Variants in THSD7A observed in about 807,000 individuals in gnomAD.
The protein encoded by THSD7A is thrombospondin type 1 domain containing 7A.
THSD7A carries 96 observed loss-of-function variants against 231.3 expected under a neutral mutation model. That is an observed-to-expected ratio of 0.41 (90% CI 0.35 to 0.49). The LOEUF (loss-of-function observed/expected upper bound fraction) is 0.49, where lower values mean the gene tolerates loss of function less well. Ranked by LOEUF, THSD7A falls within the 20% of genes least tolerant of loss-of-function variation. The pLI, the probability that THSD7A is intolerant of heterozygous loss-of-function variation, is 0.05. For synonymous variants in THSD7A, 940 were observed against 743.3 expected, an observed-to-expected ratio of 1.26 and a Z score of -4.30; for missense variants, 2,290 against 2,070.2, an observed-to-expected ratio of 1.11 and a Z score of -2.06.
At chr7:11,682,501 C>T (rs188755599) in intron 1 of THSD7A, among the ~76,000 whole-genome samples, 1 of 151,986 alleles carries the variant, frequency 6.6e-6, no homozygotes, top group Non-Finnish European at 1.5e-5. Flanking sequence ...AAAAAGCAAA[C>T]AAACAACAAT....
intron 1 of THSD7A, among the ~76,000 whole-genome samples, chr7:11,783,793 A>C (rs900727486): frequency 6.6e-6 from 1 of 152,154 alleles, no homozygotes; most frequent in Non-Finnish European, 1.5e-5. Context: ...TAGTCTAGAA[A>C]TAGGAAGGAA....
chr7:11,735,279 A>ATG (rs1781877899), intron 1 of THSD7A, among the ~76,000 whole-genome samples: 1 of 151,846 alleles, frequency 6.6e-6, no homozygotes, highest in Non-Finnish European at 1.5e-5. Flanking sequence ...TTACCCGTAT[A>ATG]TTAAAGAGAG....
At chr7:11,658,644 T>C (rs1782798382) in intron 1 of THSD7A, among the ~76,000 whole-genome samples, 1 of 151,712 alleles carries the variant, frequency 6.6e-6, no homozygotes, top group Admixed American at 6.6e-5. Flanking sequence ...GGGGACTCTT[T>C]ACTTATATTT....
chr7:11,790,296 AGAGT>A (rs1425592942), intron 1 of THSD7A, among the ~76,000 whole-genome samples: 1 of 151,990 alleles, frequency 6.6e-6, no homozygotes, highest in Non-Finnish European at 1.5e-5. Flanking sequence ...TCTATTTAAA[AGAGT>A]GAGTTGTAAA....
chr7:11,743,134 T>C (rs1782167367), intron 1 of THSD7A, among the ~76,000 whole-genome samples: 1 of 151,936 alleles, frequency 6.6e-6, no homozygotes, highest in African/African-American at 2.4e-5. Flanking sequence ...TGTTTACCTA[T>C]TCTTTCTCAT....
intron 13 of THSD7A, among the ~76,000 whole-genome samples, chr7:11,430,004 CAT>C (rs1470259854): frequency 9.9e-5 from 15 of 152,168 alleles, no homozygotes; most frequent in African/African-American, 1.4e-4. Context: ...TCAAGGCAAA[CAT>C]GTGAAAACAG....
At chr7:11,663,151 A>T (rs1206611258) in intron 1 of THSD7A, among the ~76,000 whole-genome samples, 1 of 151,412 alleles carries the variant, frequency 6.6e-6, no homozygotes, top group African/African-American at 2.4e-5. Flanking sequence ...GATAACTACT[A>T]ATATAAATGA....
At chr7:11,453,763 T>C (rs1267809713) in intron 11 of THSD7A, among the ~76,000 whole-genome samples, 1 of 152,040 alleles carries the variant, frequency 6.6e-6, no homozygotes, top group East Asian at 1.9e-4. Flanking sequence ...CGTAGAAACA[T>C]GTCACAAAGT....
chr7:11,379,144 G>A lies in THSD7A; in HGVS notation c.4727C>T (p.Ala1576Val). 1 of 1,613,636 alleles carries A rather than the reference G, an allele frequency of 6.2e-7. No individual in the cohort carries two copies. Among genetic ancestry groups the A allele is most frequent in the Non-Finnish European group, 8.5e-7 (1 of 1,179,700 alleles). Residue 1576 changes from alanine to valine, a missense_variant, in exon 26 of 28, where the codon GCT becomes GTT. Coordinates refer to ENST00000423059, the MANE Select transcript of THSD7A (RefSeq NM_015204.3). ...DKRGDVKTSR[A>V]VHPTQPSSNP... ...ACTGGAGGGTTGGGTTGGATGTACA[G>A]CCCGACTGGTTTTCACATCTCCTCT...
At chr7:11,463,533 C>T (rs1785581979) in intron 9 of THSD7A, among the ~76,000 whole-genome samples, 2 of 152,038 alleles carry the variant, frequency 1.3e-5, no homozygotes, top group South Asian at 4.1e-4. Context: ...ATGACCTATC[C>T]CAATGTAAGA....
At chr7:11,586,454 C>T (rs1468754745) in intron 4 of THSD7A, among the ~76,000 whole-genome samples, 2 of 152,058 alleles carry the variant, frequency 1.3e-5, no homozygotes, top group African/African-American at 2.4e-5. Context: ...CACATGGTTC[C>T]CTTATACACA....
chr7:11,459,358 A>C (rs935403462), intron 11 of THSD7A, among the ~76,000 whole-genome samples: 1 of 152,108 alleles, frequency 6.6e-6, no homozygotes, highest in African/African-American at 2.4e-5. Flanking sequence ...AATATATGCA[A>C]ATCAATGCCT....
In THSD7A at chr7:11,822,028, T is replaced by TC. The variant is rs1784889077; in HGVS notation, c.190+9728dup. ...TCATTGCTCCAAGTATTACCTAGTT[T>TC]CCCTCACCCTTTCCCAATATGCTAT... On this transcript the variant is annotated intron_variant, in intron 1 of 27. Transcript: ENST00000423059. Among the ~76,000 whole-genome samples the TC allele has an allele frequency of 2.0e-5, 3 of 152,140 alleles. No homozygotes were observed. In the South Asian group the frequency reaches 6.2e-4, roughly 31 times the overall value.
intron 19 of THSD7A, chr7:11,410,337 C>T (rs148886998): frequency 5.3e-5 from 8 of 152,092 alleles, no homozygotes; most frequent in Non-Finnish European, 1.2e-4. Flanking sequence ...GGTATAGGAA[C>T]AATTTACTGT....
chr7:11,376,008 C>A, intron 27 of THSD7A, 130 bp from the exon 28 acceptor site: 3 of 731,260 alleles, frequency 4.1e-6, no homozygotes, highest in East Asian at 2.6e-5. Context: ...TGCCTAAAGT[C>A]TATCTACCTT....
chr7:11,615,996 T>C (rs1430222081), intron 2 of THSD7A, among the ~76,000 whole-genome samples: 2 of 152,316 alleles, frequency 1.3e-5, no homozygotes, highest in East Asian at 3.9e-4. Flanking sequence ...AGTAAGATTC[T>C]AAAGTAATTT....
In THSD7A at chr7:11,528,792, T is replaced by G. The variant is rs139285391; in HGVS notation, c.1822+12627A>C. Among the ~76,000 whole-genome samples the G allele has an allele frequency of 3.6e-3, 549 of 152,278 alleles. 5 individuals are homozygous for G. Among genetic ancestry groups the G allele is most frequent in the African/African-American group, 0.012 (519 of 41,570 alleles). On this transcript the variant is annotated intron_variant, in intron 6 of 27. Coordinates refer to ENST00000423059, the MANE Select transcript of THSD7A (RefSeq NM_015204.3). ...GAGATAAGAAATCTCATATTGAGAA[T>G]CAAAGGTAAACAGCATCTCTTTTTT...
At chr7:11,692,847 T>C (rs757574264) in intron 1 of THSD7A, among the ~76,000 whole-genome samples, 1 of 151,550 alleles carries the variant, frequency 6.6e-6, no homozygotes, top group African/African-American at 2.4e-5. Flanking sequence ...AAACAATAAT[T>C]TAAGCCAAAT....
intron 2 of THSD7A, among the ~76,000 whole-genome samples, 196 bp from the exon 3 acceptor site, chr7:11,593,698 T>C (rs1420744329): frequency 6.6e-6 from 1 of 152,164 alleles, no homozygotes; most frequent in Non-Finnish European, 1.5e-5. Context: ...TATTCTTCTG[T>C]TTTCTAAGAG....
Sources: allele counts gnomAD v4.1 joint callset (sites outside exome capture counted in the v4.1 genomes callset), GRCh38; gene constraint gnomAD v4.1.1; transcripts MANE v1.5; gene names NCBI Gene and HGNC (gene_info 2026-07-23, HGNC 2026-07-21).